The following PDIA6 variants were observed in gnomAD, a reference collection of about 807,000 sequenced individuals.
PDIA6 encodes protein disulfide-isomerase A6.
PDIA6 carries 29 observed loss-of-function variants against 58.4 expected under a neutral mutation model. The observed-to-expected ratio is 0.50, with a 90% CI of 0.37 to 0.68. The LOEUF (loss-of-function observed/expected upper bound fraction) is 0.68. Ranked by LOEUF, PDIA6 falls within the 30% of genes least tolerant of loss-of-function variation. The pLI, the probability that PDIA6 is intolerant of heterozygous loss-of-function variation, is 0.00. For synonymous variants in PDIA6, 192 were observed against 202.6 expected, an observed-to-expected ratio of 0.95 and a Z score of 0.44; for missense variants, 480 against 551.0, an observed-to-expected ratio of 0.87 and a Z score of 1.29.
In PDIA6 at chr2:10,802,537, C is replaced by T. The variant is rs1666558517; in HGVS notation, c.123G>A (p.Gln41=). Residue 41 remains glutamine, a synonymous_variant, in exon 2 of 13, where the codon CAG becomes CAA. Transcript: ENST00000272227. ...TPSNFNREVI[Q]SDSLWLVEFY... ...ATTCTACAAGCCACAAACTATCACT[C>T]TGAATAACTTCTCGGTTGAAATTCG... is the stretch of plus-strand genomic sequence containing the variant. The T allele has an allele frequency of 1.4e-6, 2 of 1,476,500 alleles. No homozygotes were observed. Among genetic ancestry groups the T allele is most frequent in the Non-Finnish European group, 9.0e-7 (1 of 1,110,638 alleles). 91.5% of individuals were successfully genotyped at this position (1,476,500 alleles called of 1,614,324 possible). A position where few individuals can be genotyped will look rare whatever the true frequency, so the allele number is the denominator to read the frequency against.
At chr2:10,789,645 A>G in intron 8 of PDIA6, 104 bp downstream of exon 8, 1 of 1,012,590 alleles carries the variant, frequency 9.9e-7, no homozygotes, top group Non-Finnish European at 1.5e-6. Context: ...CTTTAAAGAG[A>G]GTATCTTTAA....
intron 3 of PDIA6, 117 bp from the exon 4 acceptor site, chr2:10,797,324 G>T: frequency 1.0e-6 from 1 of 975,714 alleles, no homozygotes; most frequent in Non-Finnish European, 1.5e-6. Flanking sequence ...GGTGCAGTTT[G>T]CAATCAGTCA....
chr2:10,802,708 C>T, intron 1 of PDIA6, 68 bp from the exon 2 acceptor site: 2 of 1,263,158 alleles, frequency 1.6e-6, no homozygotes, highest in South Asian at 2.8e-5. Flanking sequence ...CCCTGGGGAA[C>T]CAGAGTCCTC....
chr2:10,786,667 C>T (rs750435047), intron 11 of PDIA6, among the ~76,000 whole-genome samples: 2 of 152,332 alleles, frequency 1.3e-5, no homozygotes, highest in Non-Finnish European at 2.9e-5. Context: ...CTGAACATCT[C>T]TTATACAGCA....
rs1310804917 is a variant in PDIA6, at chr2:10,797,124, A to C, written c.303T>G (p.Ile101Met). The C allele has an allele frequency of 6.2e-7, 1 of 1,613,274 alleles. No individual in the cohort carries two copies. Among genetic ancestry groups the C allele is most frequent in the East Asian group, 2.2e-5 (1 of 44,850 alleles). The change falls in exon 4 of 13, where the codon ATT (isoleucine) becomes ATG (methionine). Residue 101 changes from isoleucine to methionine, a missense_variant. Physicochemically the swap from Ile to Met is conservative, Grantham distance 10. Transcript: ENST00000272227. ...TGTTTTTGTTGGATCCAAAAATCTTAATGGTAGGAAATCCCTGAACACCAT... is the reference window on the plus strand; with the variant it reads ...TGTTTTTGTTGGATCCAAAAATCTTCATGGTAGGAAATCCCTGAACACCAT... ...GQYGVQGFPTIKIFGSNKNRP... is the reference protein window; with the variant it reads ...GQYGVQGFPTMKIFGSNKNRP...
chr2:10,816,883 C>A (rs143347457), upstream of PDIA6, among the ~76,000 whole-genome samples: 3 of 152,140 alleles, frequency 2.0e-5, no homozygotes, highest in East Asian at 5.8e-4. Context: ...TGCCCAAGAC[C>A]CACACTGGGC....
At chr2:10,798,577 A>T (rs376829844) in intron 2 of PDIA6, among the ~76,000 whole-genome samples, 3 of 124,904 alleles carry the variant, frequency 2.4e-5, no homozygotes, top group Middle Eastern at 3.4e-3. Context: ...CCCACCCAAA[A>T]AAAAAAAAAA....
chr2:10,816,045 T>C (rs963464696), upstream of PDIA6, among the ~76,000 whole-genome samples: 9 of 151,068 alleles, frequency 6.0e-5, no homozygotes, highest in Non-Finnish European at 1.3e-4. Context: ...ATTTGGCTAA[T>C]ATAGGTACTT....
At chr2:10,785,576 A>G (rs1665685216) in intron 11 of PDIA6, among the ~76,000 whole-genome samples, 1 of 152,188 alleles carries the variant, frequency 6.6e-6, no homozygotes, top group Admixed American at 6.5e-5. Flanking sequence ...AACTCATAGA[A>G]TAATAGAGCT....
chr2:10,827,103 G>T (rs1667574508), intron 1 of PDIA6, among the ~76,000 whole-genome samples: 1 of 152,120 alleles, frequency 6.6e-6, no homozygotes, highest in Admixed American at 6.5e-5. Context: ...TTGGTCTACT[G>T]CCCAGGCTGG....
chr2:10,814,236 C>G (rs569618603), upstream of PDIA6, among the ~76,000 whole-genome samples: 28 of 152,244 alleles, frequency 1.8e-4, no homozygotes, highest in African/African-American at 6.5e-4. Context: ...ACTAGAGCTG[C>G]GTTTGGAAGA....
intron 1 of PDIA6, among the ~76,000 whole-genome samples, chr2:10,803,405 C>G (rs1255469298): frequency 6.6e-6 from 1 of 152,266 alleles, no homozygotes; most frequent in African/African-American, 2.4e-5. Context: ...GATCCGCCTG[C>G]CTCGGCCTCC....
rs1307478183 is a variant in PDIA6 at position 10,832,460 on chromosome 2, T to C, written c.-306A>G. 5 of 985,190 alleles carry C rather than the reference T, an allele frequency of 5.1e-6. No individual in the cohort carries two copies. In the African/African-American group the frequency reaches 7.0e-5, roughly 14 times the overall value. 61.0% of individuals were successfully genotyped at this position (985,190 alleles called of 1,614,324 possible). On this transcript the variant is annotated 5_prime_UTR_variant, in exon 1 of 14. Coordinates refer to the PDIA6 transcript ENST00000381611. The stretch of plus-strand genomic sequence containing the variant: ...GTTTGAAGCACGAGGCCAGGAGACC[T>C]AACCTTGCAGCGGGCACCCTCGGTT...
chr2:10,830,482 G>C (rs1039769706), intron 1 of PDIA6, among the ~76,000 whole-genome samples: 3 of 152,194 alleles, frequency 2.0e-5, no homozygotes, highest in African/African-American at 7.2e-5. Flanking sequence ...GGGACATGGG[G>C]TGGCACCCAG....
upstream of PDIA6, chr2:10,812,797 G>C (rs966348718): frequency 8.2e-7 from 1 of 1,212,598 alleles, no homozygotes; most frequent in Non-Finnish European, 1.0e-6. Context: ...CCCCAGGCCA[G>C]TCCGGTGGTC....
chr2:10,813,293 G>A (rs1378627796), upstream of PDIA6, among the ~76,000 whole-genome samples: 1 of 152,188 alleles, frequency 6.6e-6, no homozygotes, highest in Non-Finnish European at 1.5e-5. Flanking sequence ...TTTCTATTTT[G>A]TTGAATTACT....
upstream of PDIA6, among the ~76,000 whole-genome samples, chr2:10,813,315 T>C (rs1057028302): frequency 6.6e-6 from 1 of 152,234 alleles, no homozygotes; most frequent in Admixed American, 6.5e-5. Flanking sequence ...TTGAAAGTTC[T>C]TCCGTCCAGG....
upstream of PDIA6, among the ~76,000 whole-genome samples, chr2:10,814,655 T>C (rs1475420441): frequency 6.6e-6 from 1 of 152,216 alleles, no homozygotes; most frequent in Admixed American, 6.5e-5. Context: ...AGTCATGCTT[T>C]TCCTCCCTGG....
intron 12 of PDIA6, 55 bp downstream of exon 12, chr2:10,784,879 C>A: frequency 7.8e-7 from 1 of 1,285,926 alleles, no homozygotes; most frequent in Non-Finnish European, 1.1e-6. Context: ...GATGCACAGG[C>A]TCAAGAGAGT....
Sources: gnomAD v4.1 joint callset for allele counts (sites outside exome capture counted in the v4.1 genomes callset) on GRCh38, gnomAD v4.1.1 for gene constraint, MANE v1.5 for transcripts, NCBI Gene and HGNC (gene_info 2026-07-23, HGNC 2026-07-21) for gene names.